RFX7: variants seen among roughly 807,000 people sequenced by gnomAD.
RFX7 encodes the protein DNA-binding protein RFX7.
Under a neutral mutation model 111.8 loss-of-function variants are expected in RFX7, and 26 were observed. That is an observed-to-expected ratio of 0.23 (90% CI 0.17 to 0.32). RFX7 has a LOEUF of 0.32. RFX7 is among the 10% of genes least tolerant of loss of function. RFX7 has a pLI of 1.00. For synonymous variants in RFX7, 624 were observed against 624.4 expected (o/e 1.00, Z 0.01); for missense variants, 1,573 against 1,772.9 (o/e 0.89, Z 2.02).
intron 2 of RFX7, among the ~76,000 whole-genome samples, chr15:56,205,996 T>C (rs1358389533): frequency 6.6e-6 from 1 of 152,074 alleles, no homozygotes; most frequent in African/African-American, 2.4e-5. Flanking sequence ...CTGGTAGGGA[T>C]GGAAAATGGT....
intron 3 of RFX7, among the ~76,000 whole-genome samples, chr15:56,174,839 G>A (rs1424320004): frequency 6.6e-6 from 1 of 152,072 alleles, no homozygotes; most frequent in Non-Finnish European, 1.5e-5. Context: ...ACCTGATGAA[G>A]AGCGTCCATG....
intron 5 of RFX7, among the ~76,000 whole-genome samples, chr15:56,111,636 A>G (rs1445706012): frequency 1.4e-5 from 2 of 145,916 alleles, no homozygotes; most frequent in African/African-American, 5.0e-5. Flanking sequence ...ACACCCAAGA[A>G]TGATCAATAA....
chr15:56,095,562 G>A lies in RFX7; in HGVS notation c.2166C>T (p.Val722=), dbSNP rs780954951. ...GTTGATTTGCTCCTATGTGTGAACT[G>A]ACATTTACTGATACCTTGCTAGGAA... is the stretch of plus-strand genomic sequence containing the variant. ...AQIPSKVSVN[V]SSHIGANQPL... The change falls in exon 10 of 10, where the codon GTC becomes GTT. Residue 722 remains valine, a synonymous_variant. Coordinates refer to ENST00000559447, the MANE Select transcript of RFX7 (RefSeq NM_022841.7). 6.2e-7 allele frequency: 1 copy of A among 1,613,886 alleles called. No individual in the cohort carries two copies. The highest frequency in any genetic ancestry group is 1.1e-5 in the South Asian group (1 of 91,072).
intron 5 of RFX7, among the ~76,000 whole-genome samples, chr15:56,127,709 G>A (rs865869725): frequency 1.3e-5 from 2 of 151,536 alleles, no homozygotes; most frequent in Non-Finnish European, 1.5e-5. Context: ...CACCATGCCC[G>A]GCTAATTTTT....
chr15:56,131,271 C>CTTTTTTTTTTTTTTTT (rs140251962), intron 5 of RFX7, among the ~76,000 whole-genome samples: 1 of 74,016 alleles, frequency 1.4e-5, no homozygotes, highest in Non-Finnish European at 2.7e-5. Flanking sequence ...TATTAGGTAT[C>CTTTTTTTTTTTTTTTT]TTTTTTTTTT....
chr15:56,233,201 A>C (rs1411374082), intron 2 of RFX7, among the ~76,000 whole-genome samples: 1 of 152,222 alleles, frequency 6.6e-6, no homozygotes, highest in East Asian at 1.9e-4. Context: ...GGGAGGCCTC[A>C]TAATCGTGGC....
At chr15:56,134,171 C>T (rs2042257473) in intron 5 of RFX7, among the ~76,000 whole-genome samples, 1 of 152,128 alleles carries the variant, frequency 6.6e-6, no homozygotes, top group African/African-American at 2.4e-5. Flanking sequence ...CTTAGATCTG[C>T]CCCTCACTAG....
chr15:56,180,281 T>C (rs1389380871), intron 2 of RFX7, among the ~76,000 whole-genome samples: 1 of 152,162 alleles, frequency 6.6e-6, no homozygotes, highest in African/African-American at 2.4e-5. Flanking sequence ...TGTACCCAGA[T>C]TTCAAATTTC....
At chr15:56,153,023 C>G (rs1207675791) in intron 3 of RFX7, among the ~76,000 whole-genome samples, 1 of 152,136 alleles carries the variant, frequency 6.6e-6, no homozygotes, top group Non-Finnish European at 1.5e-5. Flanking sequence ...GAAGTCGAAT[C>G]CCTGAATAGA....
chr15:56,160,012 G>A (rs1301196249), intron 3 of RFX7, among the ~76,000 whole-genome samples: 5 of 152,098 alleles, frequency 3.3e-5, no homozygotes, highest in Non-Finnish European at 7.4e-5. Context: ...AATCTGTAGT[G>A]ATTTGTTTCC....
rs190884297 is a variant in RFX7 at position 56,101,239 on chromosome 15, G to A, written c.811+120C>T. The stretch of plus-strand genomic sequence containing the variant: ...CTGAATTTAGTGTTAAGCGGAGTAA[G>A]AGTGAACACATGCAAGTACTAAAAG... On this transcript the variant is annotated intron_variant, in intron 8 of 9. Coordinates refer to ENST00000559447, the MANE Select transcript of RFX7 (RefSeq NM_022841.7). The A allele has an allele frequency of 7.8e-6, 6 of 769,528 alleles. No individual in the cohort carries two copies. The Admixed American group carries it at 1.4e-4, about 18-fold the overall frequency. The allele number at this position is 769,528 out of a possible 1,614,324, so 47.7% of individuals were successfully genotyped here. A position where few individuals can be genotyped will look rare whatever the true frequency, so the allele number is the denominator to read the frequency against.
intron 2 of RFX7, among the ~76,000 whole-genome samples, chr15:56,239,984 CTTTTTTT>C (rs5812831): frequency 5.5e-4 from 66 of 120,928 alleles, no homozygotes; most frequent in Non-Finnish European, 6.2e-4. Context: ...TTTGGTATTT[CTTTTTTT>C]TTTTTTTTTT....
At chr15:56,174,539 G>A (rs921155925) in intron 3 of RFX7, among the ~76,000 whole-genome samples, 5 of 152,080 alleles carry the variant, frequency 3.3e-5, no homozygotes, top group African/African-American at 1.2e-4. Context: ...ATGAGGTCAA[G>A]AGATCGAGAC....
At chr15:56,115,088 G>C (rs964923328) in intron 5 of RFX7, among the ~76,000 whole-genome samples, 1 of 152,118 alleles carries the variant, frequency 6.6e-6, no homozygotes, top group African/African-American at 2.4e-5. Flanking sequence ...TCTGCTCACT[G>C]CAACCTCCAC....
At chr15:56,225,278 G>T (rs1324924124) in intron 2 of RFX7, among the ~76,000 whole-genome samples, 2 of 152,078 alleles carry the variant, frequency 1.3e-5, no homozygotes, top group East Asian at 3.8e-4. Flanking sequence ...ATATAAACAA[G>T]TAACAAACAC....
At chr15:56,236,951 A>G (rs1040547646) in intron 2 of RFX7, among the ~76,000 whole-genome samples, 2 of 152,234 alleles carry the variant, frequency 1.3e-5, no homozygotes, top group African/African-American at 2.4e-5. Context: ...TTAATCTCAC[A>G]TAACAGAACC....
Position 56,101,389 on chromosome 15 carries a change from C to A in RFX7, c.781G>T (p.Ala261Ser), listed in dbSNP as rs1465789456. Residue 261 changes from alanine to serine, a missense_variant, in exon 8 of 10, where the codon GCT (alanine) becomes TCT (serine). Around this residue, in one of 7 missense-constraint regions of RFX7, gnomAD observed 288 missense variants for 337.9 expected, o/e 0.85. Transcript: ENST00000559447. ...GGTGCTGCTGCCATTACAGTTAGAGCTGCCATTGACTTGGTGCCTATATAG... is the reference window on the plus strand; with the variant it reads ...GGTGCTGCTGCCATTACAGTTAGAGATGCCATTGACTTGGTGCCTATATAG... ...SHYIGTKSMAALTVMAAAPAG... is the reference protein window; with the variant it reads ...SHYIGTKSMASLTVMAAAPAG... 6.2e-7 allele frequency: 1 copy of A among 1,604,070 alleles called. No individual in the cohort carries two copies. Among genetic ancestry groups the A allele is most frequent in the African/African-American group, 1.3e-5 (1 of 74,752 alleles).
chr15:56,119,776 C>CA (rs1207159378), intron 5 of RFX7, among the ~76,000 whole-genome samples: 6,327 of 64,942 alleles, frequency 0.097, 300 homozygotes, highest in African/African-American at 0.21. Context: ...CACTGTGTCT[C>CA]AAAAAAAAAA....
rs747202421 is a variant in RFX7, at chr15:56,095,176, G to C, written c.2552C>G (p.Ser851Cys). 1.4e-5 allele frequency: 22 copies of C among 1,613,848 alleles called. 1 individual carries two copies. In the Admixed American group the frequency reaches 3.5e-4, roughly 26 times the overall value. Residue 851 changes from serine (S) to cysteine (C), a missense_variant, in exon 10 of 10, where the codon TCT (serine) becomes TGT (cysteine). Around this residue, in one of 7 missense-constraint regions of RFX7, gnomAD observed 625 missense variants for 632.2 expected, o/e 0.99. Coordinates refer to ENST00000559447, the MANE Select transcript of RFX7 (RefSeq NM_022841.7). ...AGATTGCAGAGGTAACTGATCTGAA[G>C]AATGTGCTTGTATTTGATTTAAAGA... ...ESSLNQIQAH[S>C]SDQLPLQSEL...
Sources: allele counts gnomAD v4.1 joint callset (sites outside exome capture counted in the v4.1 genomes callset), GRCh38; gene constraint gnomAD v4.1.1; regional missense constraint gnomAD v4.1.1; transcripts MANE v1.5; gene names NCBI Gene and HGNC (gene_info 2026-07-23, HGNC 2026-07-21).